LARGE1: variants seen among roughly 807,000 people sequenced by gnomAD.
LARGE1 encodes the protein LARGE xylosyl- and glucuronyltransferase 1.
In LARGE1, 43 loss-of-function variants were observed where a neutral mutation model predicts 87.6. The ratio of observed to expected loss-of-function variants is 0.49; its 90% confidence interval spans 0.38 to 0.63. LARGE1 has a LOEUF of 0.63. LARGE1 is among the 30% of genes least tolerant of loss of function. The pLI, the probability that LARGE1 is intolerant of heterozygous loss-of-function variation, is 0.00. For synonymous variants in LARGE1, 434 were observed against 394.6 expected (o/e 1.10, Z -1.18); for missense variants, 802 against 1,000.2 (o/e 0.80, Z 2.67).
the LARGE1 span, among the ~76,000 whole-genome samples, chr22:33,155,412 T>C: frequency 1.3e-5 from 2 of 152,124 alleles, no homozygotes; most frequent in African/African-American, 2.4e-5. Flanking sequence ...GATGAGGAAC[T>C]TGTTGGGAAT....
chr22:33,310,264 A>G (rs1935418569), intron 11 of LARGE1, among the ~76,000 whole-genome samples: 1 of 152,208 alleles, frequency 6.6e-6, no homozygotes. Context: ...TTACTCAGAG[A>G]GAGCAGAGAA....
intron 1 of LARGE1, among the ~76,000 whole-genome samples, chr22:33,852,712 C>T (rs1259077146): frequency 2.0e-5 from 3 of 151,516 alleles, no homozygotes; most frequent in East Asian, 2.0e-4. Context: ...AAAAATAAGC[C>T]GGGCGTGGCG....
At chr22:33,486,918 A>G (rs781057725) in intron 6 of LARGE1, among the ~76,000 whole-genome samples, 1 of 152,210 alleles carries the variant, frequency 6.6e-6, no homozygotes, top group Non-Finnish European at 1.5e-5. Context: ...CTAGGTCTCT[A>G]TCAAATCTGT....
intron 10 of LARGE1, among the ~76,000 whole-genome samples, chr22:33,322,048 ACCTCAGGTGATCC>A: frequency 6.6e-6 from 1 of 152,112 alleles, no homozygotes; most frequent in South Asian, 2.1e-4. Context: ...TGAACTCCTG[ACCTCAGGTGATCC>A]ACCCGCCTCG....
chr22:33,915,650 T>G (rs2065765573), intron 1 of LARGE1, among the ~76,000 whole-genome samples: 1 of 152,184 alleles, frequency 6.6e-6, no homozygotes, highest in South Asian at 2.1e-4. Context: ...AAATTTTCTG[T>G]TTTTAATAAC....
At chr22:33,089,368 T>TCTCCTCCTC in the LARGE1 span, among the ~76,000 whole-genome samples, 11 of 78,286 alleles carry the variant, frequency 1.4e-4, no homozygotes, top group African/African-American at 5.3e-4. Flanking sequence ...TTCTTCTTCT[T>TCTCCTCCTC]CTCCTTCTTC....
intron 6 of LARGE1, among the ~76,000 whole-genome samples, chr22:33,544,100 C>T (rs1484769911): frequency 3.3e-5 from 5 of 152,178 alleles, no homozygotes; most frequent in African/African-American, 4.8e-5. Flanking sequence ...GTTGTCACAA[C>T]GTATTGTTGG....
chr22:33,899,543 A>G (rs2065231155), intron 1 of LARGE1, among the ~76,000 whole-genome samples: 1 of 152,198 alleles, frequency 6.6e-6, no homozygotes, highest in Non-Finnish European at 1.5e-5. Flanking sequence ...CCAAGGGCCA[A>G]CCTAATCTGC....
intron 1 of LARGE1, among the ~76,000 whole-genome samples, chr22:33,766,544 C>T (rs2084906008): frequency 6.6e-6 from 1 of 152,126 alleles, no homozygotes; most frequent in African/African-American, 2.4e-5. Flanking sequence ...CCTGCCTCAG[C>T]CTCCCGAATA....
At chr22:33,545,290 A>C in intron 6 of LARGE1, among the ~76,000 whole-genome samples, 1 of 138,588 alleles carries the variant, frequency 7.2e-6, no homozygotes. Flanking sequence ...TTTTAGAGAC[A>C]GGGTCTCATT....
chr22:33,651,749 A>G (rs1180568723), intron 2 of LARGE1, among the ~76,000 whole-genome samples: 1 of 152,238 alleles, frequency 6.6e-6, no homozygotes, highest in African/African-American at 2.4e-5. Context: ...TGCCAAGAAT[A>G]AAATATTAAA....
intron 1 of LARGE1, among the ~76,000 whole-genome samples, chr22:33,767,479 T>A (rs889352197): frequency 6.7e-6 from 1 of 148,764 alleles, no homozygotes; most frequent in South Asian, 2.1e-4. Context: ...ATATATATTA[T>A]ATATATAAGC....
At chr22:33,206,403 C>CT (rs961642198) in intron 11 of LARGE1, among the ~76,000 whole-genome samples, 58 of 151,776 alleles carry the variant, frequency 3.8e-4, no homozygotes, top group African/African-American at 1.1e-3. Flanking sequence ...AATTGCATGA[C>CT]TTTTTTTTTC....
At chr22:33,899,608 C>T (rs905364993) in intron 1 of LARGE1, among the ~76,000 whole-genome samples, 1 of 152,162 alleles carries the variant, frequency 6.6e-6, no homozygotes, top group African/African-American at 2.4e-5. Flanking sequence ...GGGACTGGGA[C>T]TTTGTCTTGT....
chr22:33,630,558 C>A (rs961562474), intron 3 of LARGE1, among the ~76,000 whole-genome samples: 19 of 152,168 alleles, frequency 1.2e-4, no homozygotes, highest in Non-Finnish European at 2.2e-4. Flanking sequence ...ATTTCTATCT[C>A]TTAACATAGA....
intron 9 of LARGE1, among the ~76,000 whole-genome samples, chr22:33,357,243 C>G (rs548856776): frequency 6.6e-6 from 1 of 152,070 alleles, no homozygotes; most frequent in South Asian, 2.1e-4. Flanking sequence ...AAGTGAAATA[C>G]TCAGAAACAG....
At chr22:33,421,923 C>T (rs991473170) in intron 7 of LARGE1, among the ~76,000 whole-genome samples, 2 of 152,216 alleles carry the variant, frequency 1.3e-5, no homozygotes, top group African/African-American at 4.8e-5. Context: ...GATCAGGATA[C>T]AAAGTGAATA....
intron 6 of LARGE1, chr22:33,436,536 G>A (rs1309285109): frequency 1.3e-5 from 2 of 154,138 alleles, no homozygotes; most frequent in South Asian, 2.0e-4. Flanking sequence ...CTACTTCTCC[G>A]GTTTCTAGAA....
intron 9 of LARGE1, among the ~76,000 whole-genome samples, chr22:33,370,953 C>T (rs116456972): frequency 0.012 from 1,757 of 149,282 alleles, 21 homozygotes; most frequent in African/African-American, 0.035. Flanking sequence ...TAACATTTAT[C>T]ATTTTATATA....
Sources: gnomAD v4.1 joint callset for allele counts (sites outside exome capture counted in the v4.1 genomes callset) on GRCh38, gnomAD v4.1.1 for gene constraint, MANE v1.5 for transcripts, NCBI Gene and HGNC (gene_info 2026-07-23, HGNC 2026-07-21) for gene names.